Variants in CEMIP observed in about 807,000 individuals in gnomAD.
CEMIP encodes the protein cell migration-inducing and hyaluronan-binding protein.
Under a neutral mutation model 156.9 loss-of-function variants are expected in CEMIP, and 105 were observed. The ratio of observed to expected loss-of-function variants is 0.67; its 90% CI spans 0.57 to 0.79. The LOEUF is 0.79. Among genes scored for constraint, CEMIP ranks in the 30% least tolerant of loss-of-function variants. The pLI, the probability that CEMIP is intolerant of heterozygous loss-of-function variation, is 0.00. For synonymous variants in CEMIP, 676 were observed against 668.4 expected (o/e 1.01, Z -0.17); for missense variants, 1,457 against 1,769.4 (o/e 0.82, Z 3.17).
intron 17 of CEMIP, among the ~76,000 whole-genome samples, chr15:80,924,109 G>A (rs1371538909): frequency 6.6e-6 from 1 of 152,208 alleles, no homozygotes; most frequent in African/African-American, 2.4e-5. Context: ...GGCTGACAAA[G>A]TGGACATGTT....
Position 80,889,479 on chromosome 15 carries a change from T to G in CEMIP, c.973T>G (p.Trp325Gly). The G allele has an allele frequency of 1.2e-6, 2 of 1,613,896 alleles. No homozygotes were observed. Among genetic ancestry groups the G allele is most frequent in the Non-Finnish European group, 1.7e-6 (2 of 1,179,944 alleles). ...LSSEWVQDVE[W>G]TEWFDHDKVS... ...GTTTGCTTTCTGCCTAGACGTGGAG[T>G]GGACGGAGTGGTTCGATCATGATAA... The change falls in exon 10 of 30, where the codon TGG (tryptophan) becomes GGG (glycine). Residue 325 changes from tryptophan (W) to glycine (G), a missense_variant. By Grantham distance (184) the Trp-to-Gly change is radical (BLOSUM62 -2). Coordinates refer to ENST00000394685, the MANE Select transcript of CEMIP (RefSeq NM_001293298.2).
chr15:80,939,775 CTT>C (rs536714782), intron 25 of CEMIP, among the ~76,000 whole-genome samples: 103 of 152,272 alleles, frequency 6.8e-4, no homozygotes, highest in African/African-American at 2.4e-3. Flanking sequence ...GCTGCAAACT[CTT>C]GGGCTTTTAA....
chr15:80,848,029 G>A (rs1232696780), intron 1 of CEMIP, among the ~76,000 whole-genome samples: 2 of 152,222 alleles, frequency 1.3e-5, no homozygotes, highest in Non-Finnish European at 2.9e-5. Flanking sequence ...TCAAGAGTGG[G>A]ACACAGTTCT....
intron 28 of CEMIP, among the ~76,000 whole-genome samples, chr15:80,944,952 G>A (rs1446138121): frequency 6.6e-6 from 1 of 152,208 alleles, no homozygotes; most frequent in African/African-American, 2.4e-5. Context: ...CACCCAGGCA[G>A]GCATTGGTAC....
Position 80,800,337 on chromosome 15 carries a change from G to T in CEMIP, c.-176+20723G>T, listed in dbSNP as rs566585707. 3.9e-5 allele frequency among the ~76,000 whole-genome samples: 6 copies of T among 152,036 alleles called. No individual in the cohort carries two copies. The East Asian group carries it at 9.6e-4, about 24-fold the overall frequency. ...CTGTCTGGGACTGCCGAGAGAGCAG[G>T]TCTCATGTCATTTATTTGTAGAGTC... On this transcript the variant is annotated intron_variant, in intron 1 of 29. Coordinates refer to ENST00000394685, the MANE Select transcript of CEMIP (RefSeq NM_001293298.2).
At chr15:80,942,216 C>T in intron 26 of CEMIP, 35 bp from the exon 27 acceptor site, 1 of 1,579,244 alleles carries the variant, frequency 6.3e-7, no homozygotes, top group South Asian at 1.1e-5. Flanking sequence ...ACTACCCAAA[C>T]CTAACAATTA....
intron 28 of CEMIP, 151 bp from the exon 29 acceptor site, chr15:80,946,814 C>T: frequency 1.4e-6 from 1 of 693,950 alleles, no homozygotes; most frequent in South Asian, 1.5e-5. Flanking sequence ...CAGCTCAGAA[C>T]ACAGGAGAGG....
rs1567107974 is a variant in CEMIP at position 80,932,393 on chromosome 15, GAATCTAA to G, written c.2793+355_2793+361del. 2.0e-5 allele frequency among the ~76,000 whole-genome samples: 3 copies of G among 152,178 alleles called. No homozygotes were observed. The highest frequency in any genetic ancestry group is 7.2e-5 in the African/African-American group (3 of 41,432). ...ACCAGGCCACCTGAGTTGGCACAAA[GAATCTAA>G]CAAGCCCCACAGTTTCCAAGGGAAG... is the stretch of plus-strand genomic sequence containing the variant. On this transcript the variant is annotated intron_variant, in intron 22 of 29. Coordinates refer to ENST00000394685, the MANE Select transcript of CEMIP (RefSeq NM_001293298.2). The surrounding 1 kb of genome is among the most constrained non-coding windows in gnomAD (Gnocchi z 4.5).
chr15:80,859,361 T>C (rs1198551880), intron 1 of CEMIP, among the ~76,000 whole-genome samples: 2 of 152,268 alleles, frequency 1.3e-5, no homozygotes, highest in East Asian at 3.8e-4. Context: ...TCATTAAGGC[T>C]GGTTCCAGTT....
In CEMIP at chr15:80,873,903, C is replaced by A; in HGVS notation, c.24C>A (p.Asp8Glu). 1 of 1,580,994 alleles carries A rather than the reference C, an allele frequency of 6.3e-7. No individual in the cohort carries two copies. The highest frequency in any genetic ancestry group is 2.3e-5 in the East Asian group (1 of 43,946). The change falls in exon 3 of 30, where the codon GAC (aspartate) becomes GAA (glutamate). Residue 8 changes from aspartate to glutamate, a missense_variant. This residue lies in a region of CEMIP where 309 missense variants were observed against 340.8 expected (regional missense o/e 0.91). Coordinates refer to ENST00000394685, the MANE Select transcript of CEMIP (RefSeq NM_001293298.2). MGAAGRQ[D>E]FLFKAMLTIS... ...GGATGGGAGCTGCTGGGAGGCAGGA[C>A]TTCCTCTTCAAGGCCATGCTGACCA...
At chr15:80,808,987 C>T (rs1297784218) in intron 1 of CEMIP, among the ~76,000 whole-genome samples, 2 of 152,072 alleles carry the variant, frequency 1.3e-5, no homozygotes, top group Non-Finnish European at 1.5e-5. Context: ...TATGAATGCT[C>T]GAGGATGAAG....
In CEMIP at chr15:80,950,521, C is replaced by G. The variant is rs1901773320; in HGVS notation, c.*1597C>G. 6.6e-6 allele frequency: 1 copy of G among 152,320 alleles called. No individual in the cohort carries two copies. Among genetic ancestry groups the G allele is most frequent in the African/African-American group, 2.4e-5 (1 of 41,470 alleles). The allele number at this position is 152,320 out of a possible 1,614,324, so 9.4% of individuals were successfully genotyped here. A position where few individuals can be genotyped will look rare whatever the true frequency, so the allele number is the denominator to read the frequency against. On this transcript the variant is annotated 3_prime_UTR_variant, in exon 30 of 30. Coordinates refer to ENST00000394685, the MANE Select transcript of CEMIP (RefSeq NM_001293298.2). ...CTGTGGCCTTCACTTTGTTCACTAC[C>G]TGTCAGCCCAGCCTGGGTGCACAGT...
At chr15:80,851,806 G>C (rs1033416683) in intron 1 of CEMIP, among the ~76,000 whole-genome samples, 3 of 152,112 alleles carry the variant, frequency 2.0e-5, no homozygotes, top group Non-Finnish European at 2.9e-5. Context: ...GATATCTAGG[G>C]GCCACTTCTT....
chr15:80,911,600 G>A (rs1271057838), intron 14 of CEMIP, among the ~76,000 whole-genome samples: 1 of 152,166 alleles, frequency 6.6e-6, no homozygotes, highest in Non-Finnish European at 1.5e-5. Context: ...CTCACTTGCT[G>A]TGTGACCACT....
chr15:80,869,351 G>A (rs1388157981), intron 1 of CEMIP, among the ~76,000 whole-genome samples: 3 of 152,222 alleles, frequency 2.0e-5, no homozygotes, highest in African/African-American at 7.2e-5. Flanking sequence ...TAACCATTAA[G>A]TGACATATAA....
At chr15:80,938,225 A>G in intron 25 of CEMIP, 1 of 481,322 alleles carries the variant, frequency 2.1e-6, no homozygotes, top group Non-Finnish European at 3.8e-6. Context: ...TACATATTTC[A>G]GAAAAAAAAA....
At chr15:80,829,754 T>C (rs1897113006) in intron 1 of CEMIP, among the ~76,000 whole-genome samples, 1 of 152,224 alleles carries the variant, frequency 6.6e-6, no homozygotes, top group Admixed American at 6.5e-5. Context: ...GCTCTGGGGC[T>C]GTGCACATCA....
intron 6 of CEMIP, among the ~76,000 whole-genome samples, chr15:80,883,941 C>T (rs1159438475): frequency 6.6e-6 from 1 of 152,220 alleles, no homozygotes; most frequent in African/African-American, 2.4e-5. Context: ...TGGCATTTTA[C>T]TCAGCGAATG....
Position 80,906,796 on chromosome 15 carries a change from C to T in CEMIP, c.1545C>T (p.Ile515=), listed in dbSNP as rs145879959. ...AATGCTACCCCTACAGAAACCACAT[C>T]TGCAATTTCTTTGACTTCGATACCT... ...EDKCYPYRNH[I]CNFFDFDTFG... The change falls in exon 13 of 30, where the codon ATC becomes ATT. Residue 515 remains isoleucine (I), a synonymous_variant. Coordinates refer to ENST00000394685, the MANE Select transcript of CEMIP (RefSeq NM_001293298.2). This position sits in a 1 kb window ranked among gnomAD's most constrained non-coding sequence, Gnocchi z 4.3. The T allele has an allele frequency of 1.2e-6, 2 of 1,614,168 alleles. No individual in the cohort carries two copies. Among genetic ancestry groups the T allele is most frequent in the Non-Finnish European group, 1.7e-6 (2 of 1,180,026 alleles).
Sources: gnomAD v4.1 joint callset for allele counts (sites outside exome capture counted in the v4.1 genomes callset) on GRCh38, gnomAD v4.1.1 for gene constraint, gnomAD v4.1.1 regional missense constraint, Gnocchi (gnomAD v3.1) non-coding constraint, MANE v1.5 for transcripts, NCBI Gene and HGNC (gene_info 2026-07-23, HGNC 2026-07-21) for gene names.